The following MAML3 variants were observed in gnomAD, a reference collection of about 807,000 sequenced individuals.
MAML3 encodes the protein mastermind-like protein 3.
MAML3 carries 27 observed loss-of-function variants against 101.9 expected under a neutral mutation model. The observed-to-expected ratio is 0.27, with a 90% CI of 0.20 to 0.37. MAML3 has a LOEUF of 0.37. MAML3 is among the 10% of genes least tolerant of loss of function. The pLI is 1.00. For missense variants in MAML3, 1,316 were observed against 1,444.9 expected, an observed-to-expected ratio of 0.91 and a Z score of 1.45; for synonymous variants, 501 against 555.9, an observed-to-expected ratio of 0.90 and a Z score of 1.39.
chr4:139,996,036 A>G (rs762209188), intron 1 of MAML3, among the ~76,000 whole-genome samples: 1 of 151,748 alleles, frequency 6.6e-6, no homozygotes, highest in African/African-American at 2.4e-5. Flanking sequence ...TCTTTTACTC[A>G]TGGGTTATTC....
intron 2 of MAML3, among the ~76,000 whole-genome samples, chr4:139,788,574 C>T (rs1484564435): frequency 6.6e-6 from 1 of 152,162 alleles, no homozygotes; most frequent in Non-Finnish European, 1.5e-5. Context: ...CTGCTAGGTG[C>T]CTACCATTGT....
At chr4:140,062,120 G>A (rs1444001568) in intron 1 of MAML3, among the ~76,000 whole-genome samples, 1 of 152,078 alleles carries the variant, frequency 6.6e-6, no homozygotes, top group Non-Finnish European at 1.5e-5. Flanking sequence ...GCATCACTGT[G>A]GACAGCAATC....
In MAML3 at chr4:139,889,399, C is replaced by T; in HGVS notation, c.2037G>A (p.Met679Ile). Reference protein sequence around the residue: ...RLLLMKQKGVMNQPMAYAALP... With the variant: ...RLLLMKQKGVINQPMAYAALP... ...GTGCAGCGTAAGCCATGGGCTGATTCATCACTCCTTTCTGCTTCATGAGAA... is the reference window on the plus strand; with the variant it reads ...GTGCAGCGTAAGCCATGGGCTGATTTATCACTCCTTTCTGCTTCATGAGAA... Residue 679 changes from methionine (M) to isoleucine (I), a missense_variant, in exon 2 of 5, where the codon ATG (methionine) becomes ATA (isoleucine). By Grantham distance (10) the Met-to-Ile change is conservative (BLOSUM62 1). Transcript: ENST00000509479. 6.2e-7 allele frequency: 1 copy of T among 1,614,078 alleles called. No homozygotes were observed. Among genetic ancestry groups the T allele is most frequent in the African/African-American group, 1.3e-5 (1 of 75,050 alleles).
rs115966590 is a variant in MAML3 at position 139,890,555 on chromosome 4, T to C, written c.881A>G (p.Asn294Ser). ...AATGTCTGAGAACAGCTTGTTCTGATTTGAAAGAGATGTTTCTGATGTGTC... is the reference window on the plus strand; with the variant it reads ...AATGTCTGAGAACAGCTTGTTCTGACTTGAAAGAGATGTTTCTGATGTGTC... ...CIDTSETSLSNQNKLFSDINL... is the reference protein window; with the variant it reads ...CIDTSETSLSSQNKLFSDINL... Residue 294 changes from asparagine (N) to serine (S), a missense_variant, in exon 2 of 5, where the codon AAT becomes AGT. Asn to Ser is a conservative substitution (Grantham distance 46). Transcript: ENST00000509479. This position sits in a 1 kb window ranked among gnomAD's most constrained non-coding sequence, Gnocchi z 4.1. 3.2e-3 allele frequency: 5,153 copies of C among 1,614,056 alleles called. 16 individuals carry two copies. Among genetic ancestry groups the C allele is most frequent in the Non-Finnish European group, 3.9e-3 (4,552 of 1,179,900 alleles).
intron 1 of MAML3, among the ~76,000 whole-genome samples, chr4:140,132,675 G>A (rs1355896010): frequency 6.6e-6 from 1 of 152,240 alleles, no homozygotes; most frequent in Non-Finnish European, 1.5e-5. Flanking sequence ...GCCCTGGGAA[G>A]AGCAGGCTGA....
rs869076388 is a variant in MAML3 at position 139,946,925 on chromosome 4, ACTCTCTCT to A, written c.469-55966_469-55959del. On this transcript the variant is annotated intron_variant, in intron 1 of 4. Transcript: ENST00000509479. The stretch of plus-strand genomic sequence containing the variant: ...CACACACACACACACACACACACAC[ACTCTCTCT>A]CTCTCTCTCTCTCTCTCTCTTTAGA... Among the ~76,000 whole-genome samples, 497 of 68,176 alleles carry A rather than the reference ACTCTCTCT, an allele frequency of 7.3e-3. 6 individuals carry two copies. Among genetic ancestry groups the A allele is most frequent in the African/African-American group, 0.029 (441 of 15,030 alleles). 44.7% of individuals were successfully genotyped at this position (68,176 alleles called of 152,430 possible).
At chr4:139,939,621 T>G (rs1343208504) in intron 1 of MAML3, among the ~76,000 whole-genome samples, 1 of 152,154 alleles carries the variant, frequency 6.6e-6, no homozygotes, top group Non-Finnish European at 1.5e-5. Context: ...TGTTAATATC[T>G]CCAATGATAG....
chr4:139,798,840 T>A (rs1007553682), intron 2 of MAML3, among the ~76,000 whole-genome samples: 1 of 152,214 alleles, frequency 6.6e-6, no homozygotes, highest in Non-Finnish European at 1.5e-5. Context: ...GGGAAAGTTG[T>A]CCAATTTAGC....
At chr4:139,778,389 C>G (rs1730130290) in intron 2 of MAML3, among the ~76,000 whole-genome samples, 1 of 152,102 alleles carries the variant, frequency 6.6e-6, no homozygotes, top group Non-Finnish European at 1.5e-5. Flanking sequence ...TCATCCTTAT[C>G]AGGGTCAGAG....
intron 2 of MAML3, among the ~76,000 whole-genome samples, chr4:139,874,821 T>TTTTA (rs1732077940): frequency 1.3e-5 from 2 of 150,672 alleles, no homozygotes; most frequent in African/African-American, 4.9e-5. Context: ...TTTTTTTTTT[T>TTTTA]GAGATGGAGT....
intron 1 of MAML3, among the ~76,000 whole-genome samples, chr4:139,926,778 A>C (rs1733271405): frequency 6.6e-6 from 1 of 152,260 alleles, no homozygotes; most frequent in Non-Finnish European, 1.5e-5. Context: ...ATATGCTTAC[A>C]TAACCATAGC....
intron 2 of MAML3, among the ~76,000 whole-genome samples, chr4:139,766,593 G>T (rs1158796783): frequency 6.6e-6 from 1 of 152,194 alleles, no homozygotes; most frequent in Non-Finnish European, 1.5e-5. Flanking sequence ...GGCACCTATG[G>T]TAACCGGCCA....
At chr4:139,937,593 G>A (rs529746065) in intron 1 of MAML3, among the ~76,000 whole-genome samples, 1 of 152,216 alleles carries the variant, frequency 6.6e-6, no homozygotes, top group Admixed American at 6.5e-5. Context: ...TTACCATGTT[G>A]GCTAGGCTGG....
intron 1 of MAML3, among the ~76,000 whole-genome samples, chr4:140,060,364 T>TAAAAAAAAAA (rs1727423722): frequency 1.8e-3 from 1 of 558 alleles, no homozygotes; most frequent in African/African-American, 2.5e-3. Flanking sequence ...AGACTCTGTC[T>TAAAAAAAAAA]CAAAAAAAAA....
At chr4:139,878,299 C>T (rs1165960092) in intron 2 of MAML3, among the ~76,000 whole-genome samples, 2 of 152,160 alleles carry the variant, frequency 1.3e-5, no homozygotes, top group Non-Finnish European at 2.9e-5. Context: ...TGCACTGACC[C>T]TTGCTGTTCT....
chr4:139,836,837 C>T (rs879420096), intron 2 of MAML3, among the ~76,000 whole-genome samples: 1 of 152,076 alleles, frequency 6.6e-6, no homozygotes, highest in Non-Finnish European at 1.5e-5. Flanking sequence ...GAATTACTAC[C>T]TCTGGTCGGG....
At chr4:140,004,645 C>A (rs1208269067) in intron 1 of MAML3, among the ~76,000 whole-genome samples, 1 of 152,012 alleles carries the variant, frequency 6.6e-6, no homozygotes, top group African/African-American at 2.4e-5. Flanking sequence ...CCACCGCAGA[C>A]AAAGAACGCC....
chr4:139,720,711 C>T (rs1414706626), intron 4 of MAML3, among the ~76,000 whole-genome samples: 4 of 152,186 alleles, frequency 2.6e-5, no homozygotes, highest in African/African-American at 4.8e-5. Context: ...CAAATTATTT[C>T]GTACTCTTAT....
At chr4:140,021,824 T>C (rs1355320859) in intron 1 of MAML3, among the ~76,000 whole-genome samples, 3 of 152,158 alleles carry the variant, frequency 2.0e-5, no homozygotes, top group Non-Finnish European at 4.4e-5. Context: ...CTGTCCTGAA[T>C]CCCACTGCCC....
Sources: gnomAD v4.1 joint callset for allele counts (sites outside exome capture counted in the v4.1 genomes callset) on GRCh38, gnomAD v4.1.1 for gene constraint, Gnocchi (gnomAD v3.1) non-coding constraint, MANE v1.5 for transcripts, NCBI Gene and HGNC (gene_info 2026-07-23, HGNC 2026-07-21) for gene names.